ASTN2: variants seen among roughly 807,000 people sequenced by gnomAD.
ASTN2 encodes the protein astrotactin 2.
A neutral mutation model predicts 139.8 loss-of-function variants in ASTN2; 54 were observed. That is an observed-to-expected ratio of 0.39 (90% CI 0.31 to 0.48). The LOEUF is 0.48. Ranked by LOEUF, ASTN2 falls within the 20% of genes least tolerant of loss-of-function variation. The pLI, the probability that ASTN2 is intolerant of heterozygous loss-of-function variation, is 0.95. For synonymous variants in ASTN2, 756 were observed against 719.5 expected (o/e 1.05, Z -0.81); for missense variants, 1,565 against 1,725.1 (o/e 0.91, Z 1.64).
intron 7 of ASTN2, among the ~76,000 whole-genome samples, chr9:116,996,819 G>A (rs1020724642): frequency 6.6e-6 from 1 of 151,738 alleles, no homozygotes; most frequent in African/African-American, 2.4e-5. Context: ...GTAAGGTTTT[G>A]CATATATATT....
intron 17 of ASTN2, among the ~76,000 whole-genome samples, chr9:116,649,301 G>A (rs949132386): frequency 1.3e-5 from 2 of 151,968 alleles, no homozygotes; most frequent in Admixed American, 1.3e-4. Flanking sequence ...AGCCAGGCAT[G>A]GTGGCTCTTG....
intron 3 of ASTN2, among the ~76,000 whole-genome samples, chr9:117,176,919 G>T (rs1311656085): frequency 6.6e-6 from 1 of 152,136 alleles, no homozygotes; most frequent in Admixed American, 6.5e-5. Flanking sequence ...ATAAGACCTT[G>T]TCTCTAAAAA....
At chr9:116,454,879 G>C (rs1848281381) in intron 20 of ASTN2, among the ~76,000 whole-genome samples, 1 of 152,128 alleles carries the variant, frequency 6.6e-6, no homozygotes, top group African/African-American at 2.4e-5. Context: ...TCACACACTG[G>C]GGCCTGTCGT....
At chr9:116,855,755 GTTTC>G (rs1327746857) in intron 11 of ASTN2, among the ~76,000 whole-genome samples, 8 of 152,258 alleles carry the variant, frequency 5.3e-5, no homozygotes, top group East Asian at 1.9e-4. Flanking sequence ...ATTTGGGCAA[GTTTC>G]TCATACTTTC....
chr9:116,838,226 A>G (rs1832075235), intron 11 of ASTN2, among the ~76,000 whole-genome samples: 1 of 149,944 alleles, frequency 6.7e-6, no homozygotes, highest in Non-Finnish European at 1.5e-5. Flanking sequence ...TCTCCTGCCC[A>G]AGCCTCCTGA....
chr9:116,755,906 C>A (rs1309161632), intron 13 of ASTN2, among the ~76,000 whole-genome samples: 2 of 152,222 alleles, frequency 1.3e-5, no homozygotes, highest in Non-Finnish European at 2.9e-5. Flanking sequence ...ATGCTGACAG[C>A]TGAGTGAGAC....
chr9:117,215,947 G>C (rs1468086544), intron 2 of ASTN2, among the ~76,000 whole-genome samples: 4 of 152,178 alleles, frequency 2.6e-5, no homozygotes, highest in African/African-American at 9.7e-5. Flanking sequence ...GCAAGTGGCA[G>C]AGTAATATCT....
chr9:116,478,012 C>T (rs1317903190), intron 20 of ASTN2, among the ~76,000 whole-genome samples: 1 of 149,416 alleles, frequency 6.7e-6, no homozygotes, highest in East Asian at 2.0e-4. Context: ...AAATAAAAGG[C>T]CAGGCAGAAA....
chr9:116,940,379 T>C (rs1392018140), intron 10 of ASTN2, among the ~76,000 whole-genome samples: 4 of 152,168 alleles, frequency 2.6e-5, no homozygotes, highest in Non-Finnish European at 5.9e-5. Flanking sequence ...AGAAAAGGCA[T>C]TGCTATCATA....
At chr9:117,327,117 A>G (rs920034798) in intron 1 of ASTN2, among the ~76,000 whole-genome samples, 148 of 152,200 alleles carry the variant, frequency 9.7e-4, no homozygotes, top group Non-Finnish European at 2.5e-4. Context: ...GCAGTTCACA[A>G]TAGGGTTCGT....
intron 1 of ASTN2, among the ~76,000 whole-genome samples, chr9:117,362,859 C>T (rs1336935254): frequency 6.6e-6 from 1 of 152,078 alleles, no homozygotes; most frequent in Non-Finnish European, 1.5e-5. Context: ...ACAGTAAAAA[C>T]CCACACCAGT....
intron 7 of ASTN2, among the ~76,000 whole-genome samples, chr9:116,992,204 G>A (rs922234790): frequency 6.6e-6 from 1 of 152,118 alleles, no homozygotes; most frequent in Non-Finnish European, 1.5e-5. Context: ...TTATGGTAGT[G>A]TTGCAGCCTC....
intron 9 of ASTN2, among the ~76,000 whole-genome samples, chr9:116,975,593 C>A (rs1048400087): frequency 2.0e-5 from 3 of 152,182 alleles, no homozygotes; most frequent in Non-Finnish European, 4.4e-5. Flanking sequence ...CTAGTGGACT[C>A]TGTGAGGATA....
At chr9:117,138,425 C>T (rs998878974) in intron 4 of ASTN2, among the ~76,000 whole-genome samples, 8 of 152,112 alleles carry the variant, frequency 5.3e-5, no homozygotes, top group Admixed American at 2.0e-4. Flanking sequence ...GTTGGTGAAA[C>T]GTGAAGGAAG....
chr9:116,975,865 C>T (rs568411991), intron 9 of ASTN2, among the ~76,000 whole-genome samples: 1 of 152,314 alleles, frequency 6.6e-6, no homozygotes, highest in East Asian at 1.9e-4. Flanking sequence ...AACCACTGGA[C>T]TTAATAATCA....
chr9:117,052,140 A>T (rs1838928525), intron 5 of ASTN2, among the ~76,000 whole-genome samples: 1 of 152,138 alleles, frequency 6.6e-6, no homozygotes, highest in South Asian at 2.1e-4. Context: ...CCACAGCATC[A>T]TTAGAAAGAT....
chr9:116,450,253 C>T (rs997785539), intron 20 of ASTN2, among the ~76,000 whole-genome samples: 1 of 152,140 alleles, frequency 6.6e-6, no homozygotes, highest in East Asian at 1.9e-4. Flanking sequence ...GGCAGAATCA[C>T]GTAATTGTGA....
chr9:116,699,807 A>G lies in ASTN2; in HGVS notation c.2806+25964T>C, dbSNP rs1861083312. 1 of 1,518,390 alleles carries G rather than the reference A, an allele frequency of 6.6e-7. No individual in the cohort carries two copies. The highest frequency in any genetic ancestry group is 9.1e-7 in the Non-Finnish European group (1 of 1,101,072). 94.1% of individuals were successfully genotyped at this position (1,518,390 alleles called of 1,614,324 possible). A position where few individuals can be genotyped will look rare whatever the true frequency, so the allele number is the denominator to read the frequency against. On this transcript the variant is annotated intron_variant, in intron 16 of 22. Transcript: ENST00000313400. This position sits in a 1 kb window ranked among gnomAD's most constrained non-coding sequence, Gnocchi z 4.2. ...CAGAATAGACTCAGCCTATGTCCTG[A>G]TTCCAGCTGGGTAGTTCTAGAACTT...
chr9:116,978,719 T>A (rs1052913496), intron 7 of ASTN2, among the ~76,000 whole-genome samples: 3 of 152,100 alleles, frequency 2.0e-5, no homozygotes, highest in East Asian at 3.9e-4. Context: ...CACTCAGATA[T>A]CACATGCCAG....
Sources: gnomAD v4.1 joint callset for allele counts (sites outside exome capture counted in the v4.1 genomes callset) on GRCh38, gnomAD v4.1.1 for gene constraint, Gnocchi (gnomAD v3.1) non-coding constraint, MANE v1.5 for transcripts, NCBI Gene and HGNC (gene_info 2026-07-23, HGNC 2026-07-21) for gene names.